The following ZNF880 variants were observed in gnomAD, a reference collection of about 807,000 sequenced individuals.
ZNF880 encodes the protein zinc finger protein LOC400713.
In ZNF880, 12 loss-of-function variants were observed where a neutral mutation model predicts 11.8. That is an observed-to-expected ratio of 1.02 (90% CI 0.65 to 1.65). The LOEUF is 1.65. ZNF880 is among the 40% of genes most tolerant of loss of function. ZNF880 has a pLI of 0.00. For missense variants in ZNF880, 601 were observed against 673.9 expected, an observed-to-expected ratio of 0.89 and a Z score of 1.20; for synonymous variants, 210 against 232.4, an observed-to-expected ratio of 0.90 and a Z score of 0.88.
At chr19:52,376,493 A>AC (rs1986554632) in intron 3 of ZNF880, among the ~76,000 whole-genome samples, 2 of 104,410 alleles carry the variant, frequency 1.9e-5, no homozygotes, top group Admixed American at 2.5e-4. Flanking sequence ...TGTCCTTAGC[A>AC]CCGCCCCCCC....
At chr19:52,391,972 C>G in the ZNF880 span, among the ~76,000 whole-genome samples, 1 of 152,146 alleles carries the variant, frequency 6.6e-6, no homozygotes, top group East Asian at 1.9e-4. Flanking sequence ...CACCAACAAG[C>G]TATTTTTCAT....
chr19:52,393,859 CGG>C, the ZNF880 span, among the ~76,000 whole-genome samples: 4 of 99,526 alleles, frequency 4.0e-5, no homozygotes, highest in Non-Finnish European at 7.3e-5. Context: ...TTTTTTGAGA[CGG>C]AGTCTTGCTC....
chr19:52,381,745 A>G (rs1311932999), intron 3 of ZNF880, among the ~76,000 whole-genome samples: 2 of 151,942 alleles, frequency 1.3e-5, no homozygotes, highest in African/African-American at 4.8e-5. Context: ...TGTGTGTCGG[A>G]TAGATTTTCT....
Position 52,384,180 on chromosome 19 carries a change from TAACA to T in ZNF880, c.602_605del (p.Asn201IlefsTer3), listed in dbSNP as rs1986786384. The T allele has an allele frequency of 6.2e-7, 1 of 1,610,488 alleles. No homozygotes were observed. The highest frequency in any genetic ancestry group is 1.3e-5 in the African/African-American group (1 of 74,836). On this transcript the variant is annotated frameshift_variant, in exon 4 of 4. Transcript: ENST00000422689. LOFTEE classifies it low-confidence loss of function (END_TRUNC). ...CCTTTAGAGTGTCTTCAAGACTTGC[TAACA>T]ATCAAGTAATCCACACTGCAGATAA... is the stretch of plus-strand genomic sequence containing the variant.
rs757821505 is a variant in ZNF880 at position 52,384,814 on chromosome 19, G to C, written c.1234G>C (p.Glu412Gln). 22 of 1,610,824 alleles carry C rather than the reference G, an allele frequency of 1.4e-5. 1 individual carries two copies. The South Asian group carries it at 2.3e-4, about 17-fold the overall frequency. ...HTGEQPYKCN[E>Q]CGKAFRDCSG... ...GGGAGAGCAACCTTACAAATGTAATGAATGTGGCAAAGCATTTAGAGACTG... is the reference window on the plus strand; with the variant it reads ...GGGAGAGCAACCTTACAAATGTAATCAATGTGGCAAAGCATTTAGAGACTG... The change falls in exon 4 of 4, where the codon GAA becomes CAA. Residue 412 changes from glutamate to glutamine, a missense_variant. Transcript: ENST00000422689.
chr19:52,387,834 CTTTT>C (rs11479315), downstream of ZNF880, among the ~76,000 whole-genome samples: 4 of 118,488 alleles, frequency 3.4e-5, no homozygotes, highest in Non-Finnish European at 5.3e-5. Flanking sequence ...TAGTGCATGT[CTTTT>C]TTTTTTTTCC....
chr19:52,393,320 G>A, the ZNF880 span, among the ~76,000 whole-genome samples: 7 of 150,942 alleles, frequency 4.6e-5, no homozygotes, highest in East Asian at 5.9e-4. Flanking sequence ...TGATCTGCCC[G>A]CCTCAGCCTC....
chr19:52,378,946 A>G (rs952436277), intron 3 of ZNF880, among the ~76,000 whole-genome samples: 1 of 152,060 alleles, frequency 6.6e-6, no homozygotes, highest in African/African-American at 2.4e-5. Context: ...GTGGTGGTGC[A>G]CACCTGTAGT....
intron 3 of ZNF880, among the ~76,000 whole-genome samples, chr19:52,378,822 AATC>A (rs1235192849): frequency 2.6e-5 from 4 of 152,114 alleles, no homozygotes; most frequent in African/African-American, 9.7e-5. Context: ...TCACACTTGT[AATC>A]CTAGCACTTT....
rs1986847516 is a variant in ZNF880 at position 52,385,183 on chromosome 19, C to G, written c.1603C>G (p.Leu535Val). ...CAAGGTCTTCAGCCACAAGTTATACCTAAAAAAACATGAGAGAATTCATAC... is the reference window on the plus strand; with the variant it reads ...CAAGGTCTTCAGCCACAAGTTATACGTAAAAAAACATGAGAGAATTCATAC... Reference protein sequence around the residue: ...CGKVFSHKLYLKKHERIHTGE... With the variant: ...CGKVFSHKLYVKKHERIHTGE... The change falls in exon 4 of 4, where the codon CTA (leucine) becomes GTA (valine). Residue 535 changes from leucine to valine, a missense_variant. Leu to Val is a conservative substitution (Grantham distance 32, BLOSUM62 1). Transcript: ENST00000422689. 1 of 1,552,752 alleles carries G rather than the reference C, an allele frequency of 6.4e-7. No individual in the cohort carries two copies. The highest frequency in any genetic ancestry group is 1.4e-5 in the African/African-American group (1 of 72,902).
At position 52,383,913 on chromosome 19, in the gene ZNF880, C is replaced by G; in HGVS notation, c.333C>G (p.Thr111=). The G allele has an allele frequency of 6.4e-7, 1 of 1,562,350 alleles. No homozygotes were observed. The highest frequency in any genetic ancestry group is 8.7e-7 in the Non-Finnish European group (1 of 1,152,960). The stretch of plus-strand genomic sequence containing the variant: ...CTCTTAAAAATCAACTTGGATTAAC[C>G]TTTCAGTTACATCTGAGTGAACTGC... ...NKSLKNQLGL[T]FQLHLSELQL... Residue 111 remains threonine (T), a synonymous_variant, in exon 4 of 4, where the codon ACC becomes ACG. Transcript: ENST00000422689.
chr19:52,381,536 A>G (rs1986704957), intron 3 of ZNF880, among the ~76,000 whole-genome samples: 1 of 152,224 alleles, frequency 6.6e-6, no homozygotes, highest in African/African-American at 2.4e-5. Flanking sequence ...TTCTGATTGC[A>G]AAGTTAAATC....
At chr19:52,374,571 A>G (rs1417113365) in intron 3 of ZNF880, 144 bp downstream of exon 3, 1 of 1,000,864 alleles carries the variant, frequency 1.0e-6, no homozygotes, top group South Asian at 1.4e-5. Flanking sequence ...TCCTGGTCTC[A>G]AGTGATCCTC....
chr19:52,394,273 G>A, the ZNF880 span, among the ~76,000 whole-genome samples: 6 of 152,114 alleles, frequency 3.9e-5, no homozygotes, highest in African/African-American at 1.2e-4. Context: ...GCCTTACTCT[G>A]TCATCCTGGC....
At chr19:52,367,946 A>T (rs1986191244), upstream of ZNF880, among the ~76,000 whole-genome samples, 1 of 152,108 alleles carries the variant, frequency 6.6e-6, no homozygotes, top group African/African-American at 2.4e-5. Flanking sequence ...CACGCCTGTA[A>T]TCTCAGCACT....
At chr19:52,394,282 G>C in the ZNF880 span, among the ~76,000 whole-genome samples, 3 of 152,012 alleles carry the variant, frequency 2.0e-5, no homozygotes, top group Admixed American at 2.0e-4. Flanking sequence ...TGTCATCCTG[G>C]CTGGAGTGCA....
the ZNF880 span, among the ~76,000 whole-genome samples, chr19:52,394,200 C>A: frequency 5.3e-5 from 8 of 151,922 alleles, no homozygotes; most frequent in African/African-American, 1.9e-4. Flanking sequence ...TATCAGGTTT[C>A]ATGTGCAAAT....
At chr19:52,371,613 T>C (rs140539140) in intron 1 of ZNF880, among the ~76,000 whole-genome samples, 35 of 152,220 alleles carry the variant, frequency 2.3e-4, no homozygotes, top group African/African-American at 7.5e-4. Context: ...TGACCTCAAA[T>C]GATCCACCTG....
At chr19:52,374,076 A>T (rs750512350) in intron 2 of ZNF880, among the ~76,000 whole-genome samples, 1 of 147,148 alleles carries the variant, frequency 6.8e-6, no homozygotes, top group African/African-American at 2.5e-5. Flanking sequence ...TATTATTATT[A>T]TTTTTTTGAG....
Sources: allele counts gnomAD v4.1 joint callset (sites outside exome capture counted in the v4.1 genomes callset), GRCh38; gene constraint gnomAD v4.1.1; transcripts MANE v1.5; gene names NCBI Gene and HGNC (gene_info 2026-07-23, HGNC 2026-07-21).